CFHR5: variants seen among roughly 807,000 people sequenced by gnomAD.
CFHR5 encodes the protein complement factor H-related protein 5.
In CFHR5, 73 loss-of-function variants were observed where a neutral mutation model predicts 62.9. The observed-to-expected ratio is 1.16, with a 90% CI of 0.96 to 1.41. The LOEUF (loss-of-function observed/expected upper bound fraction) is 1.41. Among genes scored for constraint, CFHR5 ranks in the 40% most tolerant of loss-of-function variants. The probability of loss-of-function intolerance (pLI) is 0.00; values close to 1 mark genes in which losing one functional copy is unlikely to be tolerated. For missense variants in CFHR5, 779 were observed against 679.9 expected, an observed-to-expected ratio of 1.15 and a Z score of -1.62; for synonymous variants, 249 against 227.2, an observed-to-expected ratio of 1.10 and a Z score of -0.86.
intron 3 of CFHR5, among the ~76,000 whole-genome samples, chr1:196,992,642 T>C (rs941412968): frequency 6.6e-5 from 10 of 152,206 alleles, no homozygotes; most frequent in Admixed American, 6.5e-5. Flanking sequence ...GAGCTGTTCC[T>C]ATTCGGCCAT....
upstream of CFHR5, chr1:196,977,412 G>C: frequency 2.0e-6 from 1 of 491,512 alleles, no homozygotes; most frequent in Non-Finnish European, 3.7e-6. Context: ...TTGAACAGCA[G>C]TTATTTTGCT....
chr1:197,000,615 G>A (rs912500673), intron 7 of CFHR5, among the ~76,000 whole-genome samples: 3 of 152,120 alleles, frequency 2.0e-5, no homozygotes, highest in African/African-American at 7.2e-5. Flanking sequence ...TGAGATTACA[G>A]ACACCTTCAG....
chr1:196,993,471 AT>A (rs1653902383), intron 3 of CFHR5, among the ~76,000 whole-genome samples: 1 of 151,732 alleles, frequency 6.6e-6, no homozygotes, highest in African/African-American at 2.4e-5. Flanking sequence ...TAATTTTTGT[AT>A]TTTCAGTAGA....
chr1:197,006,434 G>A (rs1243870681), intron 9 of CFHR5, among the ~76,000 whole-genome samples: 1 of 152,092 alleles, frequency 6.6e-6, no homozygotes, highest in Non-Finnish European at 1.5e-5. Context: ...TTTCCAGCCA[G>A]GCATGGTGGC....
chr1:197,002,780 C>T (rs1654188495), intron 8 of CFHR5, 116 bp downstream of exon 8: 19 of 819,180 alleles, frequency 2.3e-5, no homozygotes, highest in Non-Finnish European at 3.7e-5. Flanking sequence ...ACCCCAAAGC[C>T]TTAAATTGCT....
At chr1:196,999,112 C>A (rs2125036928) in intron 7 of CFHR5, among the ~76,000 whole-genome samples, 1 of 151,828 alleles carries the variant, frequency 6.6e-6, no homozygotes, top group East Asian at 1.9e-4. Context: ...ATATAAAATA[C>A]ACATTAATGA....
At chr1:196,976,830 A>T (rs1292242515), upstream of CFHR5, among the ~76,000 whole-genome samples, 5 of 126,308 alleles carry the variant, frequency 4.0e-5, no homozygotes, top group African/African-American at 1.3e-4. Context: ...TTTGAGACAG[A>T]GTCTCGCTCT....
At chr1:196,988,875 C>T (rs1312495688) in intron 3 of CFHR5, among the ~76,000 whole-genome samples, 1 of 152,112 alleles carries the variant, frequency 6.6e-6, no homozygotes, top group Non-Finnish European at 1.5e-5. Flanking sequence ...CAGGATGATG[C>T]TGGCCTCATA....
At chr1:196,989,136 G>C (rs1653774511) in intron 3 of CFHR5, among the ~76,000 whole-genome samples, 1 of 152,166 alleles carries the variant, frequency 6.6e-6, no homozygotes, top group African/African-American at 2.4e-5. Context: ...ATTTCTTCTA[G>C]ATTTTCTAGT....
At chr1:197,006,038 A>G (rs1478145201) in intron 9 of CFHR5, among the ~76,000 whole-genome samples, 3 of 152,224 alleles carry the variant, frequency 2.0e-5, no homozygotes, top group Non-Finnish European at 1.5e-5. Flanking sequence ...ACTTGGAGTG[A>G]TTGATGGATA....
chr1:197,007,919 T>C (rs923611670), intron 9 of CFHR5, among the ~76,000 whole-genome samples: 1 of 147,330 alleles, frequency 6.8e-6, no homozygotes, highest in African/African-American at 2.5e-5. Flanking sequence ...CGTACATATA[T>C]TACAATTAAC....
intron 7 of CFHR5, among the ~76,000 whole-genome samples, chr1:197,000,153 A>C (rs1654109550): frequency 6.6e-6 from 1 of 152,066 alleles, no homozygotes; most frequent in Non-Finnish European, 1.5e-5. Context: ...GAAGGAAAAT[A>C]CTATGAGTCA....
chr1:196,984,204 T>C, intron 3 of CFHR5, 67 bp downstream of exon 3: 1 of 1,313,836 alleles, frequency 7.6e-7, no homozygotes, highest in South Asian at 1.2e-5. Flanking sequence ...GTTTATAGAT[T>C]AAATATAGGT....
At chr1:196,979,256 C>CGGTGTGTG (rs1653474222) in intron 1 of CFHR5, among the ~76,000 whole-genome samples, 1 of 148,462 alleles carries the variant, frequency 6.7e-6, no homozygotes, top group Non-Finnish European at 1.5e-5. Context: ...AGGTAATTGT[C>CGGTGTGTG]TGTGTGTGTG....
chr1:196,978,036 A>G (rs1653443385), intron 1 of CFHR5, among the ~76,000 whole-genome samples: 1 of 152,202 alleles, frequency 6.6e-6, no homozygotes, highest in Non-Finnish European at 1.5e-5. Flanking sequence ...GTAATTCTGC[A>G]TAAACTCTGC....
intron 6 of CFHR5, among the ~76,000 whole-genome samples, chr1:196,996,451 C>T (rs1022477974): frequency 3.9e-5 from 6 of 152,048 alleles, no homozygotes; most frequent in African/African-American, 9.7e-5. Flanking sequence ...TGAATGGAAA[C>T]TTTTATTAAT....
intron 7 of CFHR5, among the ~76,000 whole-genome samples, chr1:196,998,549 GA>G (rs1399413395): frequency 1.3e-5 from 2 of 151,214 alleles, no homozygotes; most frequent in Non-Finnish European, 3.0e-5. Context: ...AACCTTGAAA[GA>G]AAAAAAGAAA....
intron 3 of CFHR5, among the ~76,000 whole-genome samples, chr1:196,991,167 C>T (rs532750683): frequency 6.6e-6 from 1 of 152,234 alleles, no homozygotes; most frequent in Non-Finnish European, 1.5e-5. Context: ...GCTATTGAAG[C>T]TTGTACATGC....
At chr1:196,984,328 G>A (rs564280717) in intron 3 of CFHR5, among the ~76,000 whole-genome samples, 191 bp downstream of exon 3, 16 of 152,154 alleles carry the variant, frequency 1.1e-4, no homozygotes, top group Admixed American at 6.6e-4. Flanking sequence ...TCAAATGTAC[G>A]TAATAAGAAG....
Sources: gnomAD v4.1 joint callset for allele counts (sites outside exome capture counted in the v4.1 genomes callset) on GRCh38, gnomAD v4.1.1 for gene constraint, MANE v1.5 for transcripts, NCBI Gene and HGNC (gene_info 2026-07-23, HGNC 2026-07-21) for gene names.